CCDC179: variants seen among roughly 807,000 people sequenced by gnomAD.
CCDC179 encodes coiled-coil domain-containing protein 179.
A neutral mutation model predicts 12.0 loss-of-function variants in CCDC179; 17 were observed. The ratio of observed to expected loss-of-function variants is 1.42; its 90% CI spans 0.97 to 2.13. The LOEUF is 2.13. Among genes scored for constraint, CCDC179 ranks in the 30% most tolerant of loss-of-function variants. The pLI is 0.00. For missense variants in CCDC179, 83 were observed against 78.6 expected, an observed-to-expected ratio of 1.06 and a Z score of -0.21; for synonymous variants, 27 against 26.4, an observed-to-expected ratio of 1.02 and a Z score of -0.07.
At chr11:22,857,408 G>C (rs188611829) in intron 3 of CCDC179, among the ~76,000 whole-genome samples, 45 of 151,696 alleles carry the variant, frequency 3.0e-4, no homozygotes, top group Non-Finnish European at 5.0e-4. Flanking sequence ...CAATACAATA[G>C]AGAAAAGATA....
At chr11:22,851,762 T>C (rs574128060) in intron 3 of CCDC179, among the ~76,000 whole-genome samples, 26 of 152,248 alleles carry the variant, frequency 1.7e-4, no homozygotes, top group Admixed American at 1.6e-3. Flanking sequence ...AGTGGGAACA[T>C]GTCAACTTTA....
chr11:22,848,517 G>A (rs1290698280), intron 3 of CCDC179, among the ~76,000 whole-genome samples: 2 of 152,124 alleles, frequency 1.3e-5, no homozygotes. Flanking sequence ...TAACAACTGT[G>A]TTCTAACTTC....
Position 22,860,380 on chromosome 11 carries a change from G to T in CCDC179, c.42C>A (p.Asn14Lys). Residue 14 changes from asparagine to lysine, a missense_variant, in exon 1 of 4, where the codon AAC (asparagine) becomes AAA (lysine). Coordinates refer to ENST00000532798, the MANE Select transcript of CCDC179 (RefSeq NM_001195637.2). ...TTGTAGGCCCCAGCAGACTCACAGG[G>T]TTGACTTGGGAAGGCTCGATGTCCC... ...YCWDIEPSQV[N>K]PEGPRQHHPS... 4 of 1,535,588 alleles carry T rather than the reference G, an allele frequency of 2.6e-6. No homozygotes were observed. Among genetic ancestry groups the T allele is most frequent in the Non-Finnish European group, 3.5e-6 (4 of 1,146,638 alleles).
chr11:22,848,991 A>C lies in CCDC179; in HGVS notation c.196-1470T>G, dbSNP rs75999601. 5.8e-3 allele frequency among the ~76,000 whole-genome samples: 879 copies of C among 152,328 alleles called. 6 individuals are homozygous for C. Among genetic ancestry groups the C allele is most frequent in the African/African-American group, 0.02 (839 of 41,568 alleles). ...AATGAAACAAAACAAAATTAAAGTA[A>C]CTGTTTTTGACCATATTTGAGAAGG... On this transcript the variant is annotated intron_variant, in intron 3 of 3. Transcript: ENST00000532798.
At chr11:22,852,659 C>T (rs2191690) in intron 3 of CCDC179, among the ~76,000 whole-genome samples, 19,477 of 152,224 alleles carry the variant, frequency 0.13, 1,601 homozygotes, top group Non-Finnish European at 0.18. Context: ...CATTCCCAAC[C>T]AACCAGCAGC....
At chr11:22,849,440 G>A (rs1043416609) in intron 3 of CCDC179, among the ~76,000 whole-genome samples, 1 of 152,112 alleles carries the variant, frequency 6.6e-6, no homozygotes, top group Non-Finnish European at 1.5e-5. Context: ...GAATGGTATA[G>A]AACAGTTTGT....
chr11:22,857,549 G>A (rs936754954), intron 3 of CCDC179, among the ~76,000 whole-genome samples: 3 of 151,666 alleles, frequency 2.0e-5, no homozygotes, highest in Admixed American at 1.3e-4. Flanking sequence ...ATACACAACT[G>A]CAAAACTTCT....
chr11:22,859,526 C>A, intron 1 of CCDC179, 30 bp from the exon 2 acceptor site: 1 of 1,380,138 alleles, frequency 7.2e-7, no homozygotes, highest in Non-Finnish European at 9.5e-7. Flanking sequence ...AAAACACATT[C>A]ACACAAAAAA....
At chr11:22,857,323 C>T (rs776553558) in intron 3 of CCDC179, among the ~76,000 whole-genome samples, 28 of 151,384 alleles carry the variant, frequency 1.8e-4, no homozygotes, top group Non-Finnish European at 3.7e-4. Context: ...CAGGATTCAA[C>T]GAGACAGAAT....
chr11:22,847,566 A>T, intron 3 of CCDC179, 45 bp from the exon 4 acceptor site: 2 of 1,096,408 alleles, frequency 1.8e-6, no homozygotes, highest in Non-Finnish European at 2.5e-6. Flanking sequence ...TTTAATTAAA[A>T]TTTATATAAG....
intron 3 of CCDC179, among the ~76,000 whole-genome samples, chr11:22,848,867 A>G (rs554017567): frequency 6.6e-6 from 1 of 152,310 alleles, no homozygotes; most frequent in East Asian, 1.9e-4. Context: ...GAGAGTAAAC[A>G]TTTGTATTCA....
At chr11:22,848,227 T>G (rs1017304964) in intron 3 of CCDC179, among the ~76,000 whole-genome samples, 1 of 152,202 alleles carries the variant, frequency 6.6e-6, no homozygotes, top group Non-Finnish European at 1.5e-5. Flanking sequence ...GAGGATTACC[T>G]GAGGCCAGGA....
intron 3 of CCDC179, among the ~76,000 whole-genome samples, chr11:22,850,964 ATATATATATATATTTT>A (rs1288338261): frequency 1.6e-4 from 1 of 6,296 alleles, no homozygotes; most frequent in African/African-American, 2.7e-4. Context: ...ATATATATAT[ATATATATATATATTTT>A]TTTTTTTTTT....
At chr11:22,856,433 T>C (rs1313945681) in intron 3 of CCDC179, among the ~76,000 whole-genome samples, 1 of 151,508 alleles carries the variant, frequency 6.6e-6, no homozygotes, top group Non-Finnish European at 1.5e-5. Context: ...ATCAACAATG[T>C]ATAATAAGAA....
chr11:22,853,997 T>C (rs1294812724), intron 3 of CCDC179, among the ~76,000 whole-genome samples: 1 of 151,950 alleles, frequency 6.6e-6, no homozygotes, highest in Admixed American at 6.6e-5. Flanking sequence ...AACAATTACA[T>C]AGGATTTCTT....
Position 22,847,252 on chromosome 11 carries a change from AT to A in CCDC179, c.*257del, listed in dbSNP as rs1409166249. 6 of 316,022 alleles carry A rather than the reference AT, an allele frequency of 1.9e-5. No individual in the cohort carries two copies. Among genetic ancestry groups the A allele is most frequent in the Non-Finnish European group, 2.8e-5 (5 of 176,036 alleles). 19.6% of individuals were successfully genotyped at this position (316,022 alleles called of 1,614,324 possible). ...ATTTTTCAAAAGTCTACCTATACATATTCATTATTATTTGTTGAAAAGCAGC... is the reference window on the plus strand; with the variant it reads ...ATTTTTCAAAAGTCTACCTATACATATCATTATTATTTGTTGAAAAGCAGC... On this transcript the variant is annotated 3_prime_UTR_variant, in exon 4 of 4. Transcript: ENST00000532798.
At chr11:22,860,236 C>T (rs1858630677) in intron 1 of CCDC179, 141 bp downstream of exon 1, 1 of 903,334 alleles carries the variant, frequency 1.1e-6, no homozygotes, top group Middle Eastern at 2.2e-4. Context: ...AGTCTGTCTA[C>T]ATCACCTGGA....
chr11:22,859,540 A>G, intron 1 of CCDC179, 44 bp from the exon 2 acceptor site: 1 of 1,190,580 alleles, frequency 8.4e-7, no homozygotes, highest in East Asian at 2.8e-5. Context: ...CAAAAAAGTC[A>G]TTAAAAACAG....
chr11:22,850,977 T>TATATA (rs67952406), intron 3 of CCDC179, among the ~76,000 whole-genome samples: 1 of 5,744 alleles, frequency 1.7e-4, no homozygotes, highest in African/African-American at 4.4e-4. Flanking sequence ...TATATATATA[T>TATATA]TTTTTTTTTT....
Sources: allele counts gnomAD v4.1 joint callset (sites outside exome capture counted in the v4.1 genomes callset), GRCh38; gene constraint gnomAD v4.1.1; transcripts MANE v1.5; gene names NCBI Gene and HGNC (gene_info 2026-07-23, HGNC 2026-07-21).